The following SLAIN1 variants were observed in gnomAD, a reference collection of about 807,000 sequenced individuals.
SLAIN1 encodes the protein SLAIN motif-containing protein 1.
Under a neutral mutation model 55.4 loss-of-function variants are expected in SLAIN1, and 17 were observed. The ratio of observed to expected loss-of-function variants is 0.31; its 90% CI spans 0.21 to 0.46. SLAIN1 has a LOEUF of 0.46. Among genes scored for constraint, SLAIN1 ranks in the 20% least tolerant of loss-of-function variants. SLAIN1 has a pLI of 1.00. For synonymous variants in SLAIN1, 348 were observed against 337.4 expected, an observed-to-expected ratio of 1.03 and a Z score of -0.35; for missense variants, 682 against 785.1, an observed-to-expected ratio of 0.87 and a Z score of 1.57.
chr13:77,740,754 T>A (rs1873384153), intron 2 of SLAIN1, among the ~76,000 whole-genome samples: 2 of 152,082 alleles, frequency 1.3e-5, no homozygotes, highest in African/African-American at 4.8e-5. Flanking sequence ...TTGCTCTTTT[T>A]TACAAGTTCT....
In SLAIN1 at chr13:77,738,225, T is replaced by TATATACAC. The variant is rs757693551; in HGVS notation, c.767-6051_767-6050insCATATACA. ...ACACACACACACATATACACATACA[T>TATATACAC]ATATACATATACATATATATACACA... On this transcript the variant is annotated intron_variant, in intron 2 of 6. Coordinates refer to ENST00000418532, the MANE Select transcript of SLAIN1 (RefSeq NM_001242868.2). Among the ~76,000 whole-genome samples the TATATACAC allele has an allele frequency of 7.8e-4, 117 of 150,310 alleles. 1 individual carries two copies. The highest frequency in any genetic ancestry group is 3.5e-3 in the Middle Eastern group (1 of 284).
At position 77,719,628 on chromosome 13, in the gene SLAIN1, G is replaced by A. The variant is rs2091242523; in HGVS notation, c.723G>A (p.Glu241=). ...CRHVLDNPTP[E]MEAARRSLCF... ...ATGTCCTAGATAACCCAACTCCTGA[G>A]ATGGAAGCAGCGAGACGTTCCCTGT... Residue 241 remains glutamate (E), a synonymous_variant, in exon 2 of 7, where the codon GAG becomes GAA. Coordinates refer to ENST00000418532, the MANE Select transcript of SLAIN1 (RefSeq NM_001242868.2). 9.3e-6 allele frequency: 15 copies of A among 1,613,578 alleles called. No individual in the cohort carries two copies. The highest frequency in any genetic ancestry group is 1.3e-5 in the Non-Finnish European group (15 of 1,179,660).
Position 77,719,575 on chromosome 13 carries a change from T to A in SLAIN1, c.670T>A (p.Ser224Thr), listed in dbSNP as rs2091241847. ...SSKTFTSSEK[S>T]LTPLQWCRHV... The stretch of plus-strand genomic sequence containing the variant: ...AAAGACGTTCACCTCATCAGAGAAA[T>A]CCCTGACTCCTTTGCAGTGGTGTAG... Residue 224 changes from serine (S) to threonine (T), a missense_variant, in exon 2 of 7, where the codon TCC becomes ACC. Physicochemically the swap from Ser to Thr is moderately conservative, Grantham distance 58. Coordinates refer to ENST00000418532, the MANE Select transcript of SLAIN1 (RefSeq NM_001242868.2). 6.2e-7 allele frequency: 1 copy of A among 1,613,438 alleles called. No homozygotes were observed. The highest frequency in any genetic ancestry group is 1.3e-5 in the African/African-American group (1 of 74,994).
intron 1 of SLAIN1, among the ~76,000 whole-genome samples, chr13:77,712,316 A>G (rs191858524): frequency 9.2e-5 from 14 of 152,314 alleles, no homozygotes; most frequent in Admixed American, 5.2e-4. Context: ...ATATTGAGAA[A>G]ACCCCATCAT....
chr13:77,755,378 T>G (rs1874527188), intron 5 of SLAIN1, among the ~76,000 whole-genome samples: 1 of 151,898 alleles, frequency 6.6e-6, no homozygotes, highest in Non-Finnish European at 1.5e-5. Flanking sequence ...AAATACAGTT[T>G]GGAGAATAGC....
chr13:77,732,801 T>C (rs547923363), intron 2 of SLAIN1, among the ~76,000 whole-genome samples: 95 of 152,256 alleles, frequency 6.2e-4, no homozygotes, highest in African/African-American at 2.1e-3. Flanking sequence ...TGTTGTCTTA[T>C]CTTCAGTTTT....
At chr13:77,732,917 C>T (rs554568135) in intron 2 of SLAIN1, among the ~76,000 whole-genome samples, 111 of 152,118 alleles carry the variant, frequency 7.3e-4, no homozygotes, top group African/African-American at 2.5e-3. Context: ...AAAGAAGTCC[C>T]GCAGAAGGAT....
At chr13:77,710,915 G>A (rs949244293) in intron 1 of SLAIN1, among the ~76,000 whole-genome samples, 3 of 152,100 alleles carry the variant, frequency 2.0e-5, no homozygotes, top group East Asian at 1.9e-4. Flanking sequence ...AAATTAGAAC[G>A]CAGGATTAAG....
intron 4 of SLAIN1, among the ~76,000 whole-genome samples, chr13:77,749,817 C>A (rs1338075847): frequency 6.6e-6 from 1 of 152,108 alleles, no homozygotes; most frequent in Non-Finnish European, 1.5e-5. Flanking sequence ...GGAATAGTGT[C>A]CTAAATATTT....
intron 1 of SLAIN1, among the ~76,000 whole-genome samples, chr13:77,701,520 A>T (rs1434599481): frequency 1.3e-5 from 2 of 148,278 alleles, no homozygotes; most frequent in East Asian, 1.9e-4. Flanking sequence ...GTAGTATCTT[A>T]AAAAAAACAG....
chr13:77,750,082 A>G (rs1456854738), intron 4 of SLAIN1, among the ~76,000 whole-genome samples: 1 of 152,178 alleles, frequency 6.6e-6, no homozygotes, highest in Non-Finnish European at 1.5e-5. Context: ...TGTGATTACA[A>G]TATTGTGATT....
At chr13:77,732,243 A>G (rs144426767) in intron 2 of SLAIN1, among the ~76,000 whole-genome samples, 3 of 152,210 alleles carry the variant, frequency 2.0e-5, no homozygotes, top group African/African-American at 4.8e-5. Context: ...TGCTTTCTAA[A>G]AGCTTGGATT....
At chr13:77,737,502 A>C (rs1235057611) in intron 2 of SLAIN1, among the ~76,000 whole-genome samples, 1 of 152,164 alleles carries the variant, frequency 6.6e-6, no homozygotes, top group Non-Finnish European at 1.5e-5. Flanking sequence ...GATATGAGAC[A>C]GTGCAAAACC....
At chr13:77,699,156 G>A (rs751607027) in intron 1 of SLAIN1, 65 of 1,210,594 alleles carry the variant, frequency 5.4e-5, no homozygotes, top group Non-Finnish European at 7.0e-5. Flanking sequence ...TTTAAAATGG[G>A]GTGACCTCAC....
intron 1 of SLAIN1, among the ~76,000 whole-genome samples, chr13:77,718,991 A>G (rs1020726305): frequency 2.0e-5 from 3 of 152,176 alleles, no homozygotes; most frequent in Non-Finnish European, 4.4e-5. Flanking sequence ...AAAGAAACAT[A>G]TACCAAGGTT....
chr13:77,718,298 C>A (rs1050030879), intron 1 of SLAIN1, among the ~76,000 whole-genome samples: 3 of 151,982 alleles, frequency 2.0e-5, no homozygotes, highest in Non-Finnish European at 2.9e-5. Context: ...GGAAATTCAA[C>A]TTTCAATGTC....
chr13:77,698,128 C>A lies in SLAIN1; in HGVS notation c.215C>A (p.Pro72His), dbSNP rs1411001360. 3 of 913,382 alleles carry A rather than the reference C, an allele frequency of 3.3e-6. No homozygotes were observed. The highest frequency in any genetic ancestry group is 7.4e-5 in the East Asian group (1 of 13,462). The allele number at this position is 913,382 out of a possible 1,614,324, so 56.6% of individuals were successfully genotyped here. ...LPPPPPAAPP[P>H]AGLQPLGPRS... ...CCGCCGCCGCCCGCCGCGCCGCCCC[C>A]CGCTGGCCTGCAGCCTTTGGGTCCT... The change falls in exon 1 of 7, where the codon CCC becomes CAC. Residue 72 changes from proline to histidine, a missense_variant. Pro to His is a moderately conservative substitution (Grantham distance 77). This residue lies in a region of SLAIN1 where 401 missense variants were observed against 417.3 expected (regional missense o/e 0.96). Transcript: ENST00000418532. This position sits in a 1 kb window ranked among gnomAD's most constrained non-coding sequence, Gnocchi z 4.1.
At chr13:77,725,583 C>T (rs1280132172) in intron 2 of SLAIN1, among the ~76,000 whole-genome samples, 3 of 152,104 alleles carry the variant, frequency 2.0e-5, no homozygotes, top group Non-Finnish European at 4.4e-5. Flanking sequence ...AAACTTGGTT[C>T]CTCTTTTTTG....
At chr13:77,758,809 T>C (rs1483554274) in intron 5 of SLAIN1, among the ~76,000 whole-genome samples, 1 of 152,226 alleles carries the variant, frequency 6.6e-6, no homozygotes, top group African/African-American at 2.4e-5. Flanking sequence ...AGCAGTACCA[T>C]GCTGTTTTGG....
Sources: gnomAD v4.1 joint callset for allele counts (sites outside exome capture counted in the v4.1 genomes callset) on GRCh38, gnomAD v4.1.1 for gene constraint, gnomAD v4.1.1 regional missense constraint, Gnocchi (gnomAD v3.1) non-coding constraint, MANE v1.5 for transcripts, NCBI Gene and HGNC (gene_info 2026-07-23, HGNC 2026-07-21) for gene names.